The following CEP192 variants were observed in gnomAD, a reference collection of about 807,000 sequenced individuals.
CEP192 encodes centrosomal protein 192, also known as centrosomal protein of 192 kDa.
CEP192 carries 151 observed loss-of-function variants against 271.8 expected under a neutral mutation model. The ratio of observed to expected loss-of-function variants is 0.56; its 90% CI spans 0.49 to 0.64. CEP192 has a LOEUF of 0.64. Ranked by LOEUF, CEP192 falls within the 30% of genes least tolerant of loss-of-function variation. CEP192 has a pLI of 0.00. For synonymous variants in CEP192, 995 were observed against 1,076.5 expected (o/e 0.92, Z 1.48); for missense variants, 2,910 against 3,020.5 (o/e 0.96, Z 0.86).
intron 20 of CEP192, 115 bp from the exon 21 acceptor site, chr18:13,058,963 TAATA>T: frequency 1.5e-6 from 1 of 683,984 alleles, no homozygotes; most frequent in South Asian, 1.8e-5. Context: ...TTTGAAGAGA[TAATA>T]AATGTTTTAA....
At position 13,049,798 on chromosome 18, in the gene CEP192, G is replaced by A. The variant is rs147298252; in HGVS notation, c.2924G>A (p.Arg975His). The stretch of plus-strand genomic sequence containing the variant: ...AATACCTCTCCTGAGCATGGTGGAC[G>A]TGGCTCAGAGGATGAGCAGGAGAGC... Reference protein sequence around the residue: ...LKNTSPEHGGRGSEDEQESFR... With the variant: ...LKNTSPEHGGHGSEDEQESFR... The change falls in exon 17 of 45, where the codon CGT (arginine) becomes CAT (histidine). Residue 975 changes from arginine to histidine, a missense_variant. Physicochemically the swap from Arg to His is conservative, Grantham distance 29. Coordinates refer to ENST00000506447, the MANE Select transcript of CEP192 (RefSeq NM_032142.4). The A allele has an allele frequency of 1.1e-5, 18 of 1,613,576 alleles. No homozygotes were observed. The highest frequency in any genetic ancestry group is 8.0e-5 in the African/African-American group (6 of 74,762).
rs765358571 is a variant in CEP192, at chr18:13,056,137, A to T, written c.3547A>T (p.Thr1183Ser). 1 of 1,613,356 alleles carries T rather than the reference A, an allele frequency of 6.2e-7. No individual in the cohort carries two copies. The highest frequency in any genetic ancestry group is 2.2e-5 in the East Asian group (1 of 44,886). The change falls in exon 19 of 45, where the codon ACA (threonine) becomes TCA (serine). Residue 1183 changes from threonine to serine, a missense_variant. Physicochemically the swap from Thr to Ser is moderately conservative, Grantham distance 58 (BLOSUM62 1). Coordinates refer to ENST00000506447, the MANE Select transcript of CEP192 (RefSeq NM_032142.4). ...TCTGAGCTGTCAGGTGGGGTCAGCC[A>T]CATCACACCCTGTGTCCTGCCAGGA... ...SGLSCQVGSA[T>S]SHPVSCQEPI...
At chr18:13,010,032 G>A (rs887826243) in intron 4 of CEP192, among the ~76,000 whole-genome samples, 27 of 151,716 alleles carry the variant, frequency 1.8e-4, no homozygotes, top group Admixed American at 2.6e-4. Context: ...AGTGCTGTGC[G>A]CCTTTAGTCC....
Position 13,063,187 on chromosome 18 carries a change from A to C in CEP192, c.4488+3875A>C, listed in dbSNP as rs1159395316. 5.9e-5 allele frequency among the ~76,000 whole-genome samples: 9 copies of C among 152,196 alleles called. 1 individual carries two copies. The highest frequency in any genetic ancestry group is 5.9e-4 in the Admixed American group (9 of 15,288). The stretch of plus-strand genomic sequence containing the variant: ...TGTTGTAAACAGTGCTGCAATAAAC[A>C]TATCTCTTTAATATACTGATTTCCT... On this transcript the variant is annotated intron_variant, in intron 21 of 44. Transcript: ENST00000506447.
intron 20 of CEP192, chr18:13,058,747 G>C (rs1354128864): frequency 3.8e-6 from 1 of 264,108 alleles, no homozygotes; most frequent in East Asian, 9.5e-5. Context: ...CCCACCCACT[G>C]CTGTGTTGTG....
chr18:13,098,629 G>A (rs1014900897), intron 36 of CEP192, among the ~76,000 whole-genome samples: 1 of 151,882 alleles, frequency 6.6e-6, no homozygotes, highest in African/African-American at 2.4e-5. Context: ...GATGGCGGCC[G>A]GGAAGAGGCG....
intron 17 of CEP192, among the ~76,000 whole-genome samples, 169 bp from the exon 18 acceptor site, chr18:13,052,750 A>G (rs1211989153): frequency 2.0e-5 from 3 of 152,260 alleles, no homozygotes; most frequent in Non-Finnish European, 4.4e-5. Flanking sequence ...AGTTTAACAG[A>G]TGCTTCATTC....
At chr18:13,121,911 T>C (rs1033132218) in intron 44 of CEP192, among the ~76,000 whole-genome samples, 7 of 152,262 alleles carry the variant, frequency 4.6e-5, no homozygotes, top group African/African-American at 1.4e-4. Flanking sequence ...CAAATTTTAT[T>C]ACCTTTTTCA....
At chr18:13,005,380 C>T (rs1599040178) in intron 3 of CEP192, among the ~76,000 whole-genome samples, 2 of 152,212 alleles carry the variant, frequency 1.3e-5, no homozygotes, top group Middle Eastern at 6.8e-3. Flanking sequence ...GCTTGGAGTG[C>T]CAGCAGTGAG....
intron 17 of CEP192, among the ~76,000 whole-genome samples, chr18:13,052,342 C>T (rs1297993876): frequency 6.6e-6 from 1 of 152,218 alleles, no homozygotes; most frequent in East Asian, 1.9e-4. Context: ...TCAGTTCCTC[C>T]TGTCTGATTT....
rs763207006 is a variant in CEP192 at position 13,114,204 on chromosome 18, T to TA, written c.7244dup (p.Pro2416AlafsTer15). The stretch of plus-strand genomic sequence containing the variant: ...CCCTCATTAAAATAGATCATTTAGT[T>TA]AAGCCCCGAAGACAAGCTGTGTCAG... On this transcript the variant is annotated frameshift_variant, in exon 42 of 45. Transcript: ENST00000506447. LOFTEE classifies it high-confidence loss of function. 6.2e-7 allele frequency: 1 copy of TA among 1,614,092 alleles called. No homozygotes were observed. Among genetic ancestry groups the TA allele is most frequent in the Admixed American group, 1.7e-5 (1 of 60,012 alleles).
At position 12,999,588 on chromosome 18, in the gene CEP192, G is replaced by A. The variant is rs1422120483; in HGVS notation, c.164G>A (p.Arg55Lys). 1.3e-6 allele frequency: 2 copies of A among 1,520,662 alleles called. No individual in the cohort carries two copies. The allele number at this position is 1,520,662 out of a possible 1,614,324, so 94.2% of individuals were successfully genotyped here. A position where few individuals can be genotyped will look rare whatever the true frequency, so the allele number is the denominator to read the frequency against. The part of the protein sequence containing the change: ...LARDRSSTDN[R>K]YPDIQASYLV... ...AGGGATAGATCCAGCACTGATAACA[G>A]GTAAGATTTGTTTGAGCAGATTTTT... The change falls in exon 2 of 45, where the codon AGG (arginine) becomes AAG (lysine). Residue 55 changes from arginine (R) to lysine (K), a missense_variant and splice_region_variant. Physicochemically the swap from Arg to Lys is conservative, Grantham distance 26. Transcript: ENST00000506447.
At chr18:13,104,441 A>C (rs186396465) in intron 39 of CEP192, among the ~76,000 whole-genome samples, 2 of 152,160 alleles carry the variant, frequency 1.3e-5, no homozygotes, top group East Asian at 3.9e-4. Context: ...TTGAGCCATA[A>C]TACTACCAAA....
At chr18:13,029,621 T>A in intron 9 of CEP192, 42 bp from the exon 10 acceptor site, 1 of 1,200,944 alleles carries the variant, frequency 8.3e-7, no homozygotes, top group Non-Finnish European at 1.1e-6. Context: ...AAAACAAGAC[T>A]TACTGTTGCT....
chr18:13,080,635 C>G (rs1001857162), intron 30 of CEP192, among the ~76,000 whole-genome samples: 5 of 152,214 alleles, frequency 3.3e-5, no homozygotes, highest in South Asian at 2.1e-4. Flanking sequence ...TTATTTCTTT[C>G]TCTTGCCTGA....
intron 17 of CEP192, among the ~76,000 whole-genome samples, chr18:13,050,679 C>T (rs2036736452): frequency 6.6e-6 from 1 of 151,642 alleles, no homozygotes; most frequent in Non-Finnish European, 1.5e-5. Context: ...TCCTGGGTTC[C>T]AGCGATTCTC....
chr18:13,098,431 C>T (rs1433042122), intron 36 of CEP192, among the ~76,000 whole-genome samples: 15 of 147,016 alleles, frequency 1.0e-4, no homozygotes, highest in Non-Finnish European at 1.5e-5. Flanking sequence ...GACGGGGCGG[C>T]TGCCGGGCGG....
At chr18:13,068,497 T>C in intron 24 of CEP192, 75 bp downstream of exon 24, 1 of 1,212,468 alleles carries the variant, frequency 8.2e-7, no homozygotes, top group South Asian at 1.3e-5. Flanking sequence ...TGTATTTCCT[T>C]TGTCAATAAA....
intron 30 of CEP192, 67 bp downstream of exon 30, chr18:13,073,252 G>A: frequency 7.4e-7 from 1 of 1,355,662 alleles, no homozygotes; most frequent in East Asian, 2.3e-5. Context: ...TTGGTTTAAT[G>A]TTGTAAATTA....
Sources: allele counts gnomAD v4.1 joint callset (sites outside exome capture counted in the v4.1 genomes callset), GRCh38; gene constraint gnomAD v4.1.1; transcripts MANE v1.5; gene names NCBI Gene and HGNC (gene_info 2026-07-23, HGNC 2026-07-21).